ZSWIM5: variants seen among roughly 807,000 people sequenced by gnomAD.
ZSWIM5 encodes zinc finger SWIM domain-containing protein 5.
Under a neutral mutation model 119.6 loss-of-function variants are expected in ZSWIM5, and 55 were observed. The observed-to-expected ratio is 0.46, with a 90% CI of 0.37 to 0.58. The LOEUF (loss-of-function observed/expected upper bound fraction) is 0.58, where lower values mean the gene tolerates loss of function less well. ZSWIM5 is among the 20% of genes least tolerant of loss of function. ZSWIM5 has a pLI of 0.00. For missense variants in ZSWIM5, 1,193 were observed against 1,512.8 expected, an observed-to-expected ratio of 0.79 and a Z score of 3.51; for synonymous variants, 537 against 606.9, an observed-to-expected ratio of 0.88 and a Z score of 1.69.
intron 1 of ZSWIM5, among the ~76,000 whole-genome samples, chr1:45,192,867 T>C (rs544415823): frequency 2.0e-5 from 3 of 152,322 alleles, no homozygotes; most frequent in African/African-American, 7.2e-5. Flanking sequence ...AAGTAGTATT[T>C]CATTGTGGTT....
At chr1:45,025,717 G>T (rs1009360635) in intron 11 of ZSWIM5, among the ~76,000 whole-genome samples, 5 of 152,044 alleles carry the variant, frequency 3.3e-5, no homozygotes, top group African/African-American at 1.2e-4. Flanking sequence ...TAAAAAAATT[G>T]ATTCTTTGGG....
At chr1:45,120,630 G>C (rs1014638869) in intron 1 of ZSWIM5, among the ~76,000 whole-genome samples, 2 of 151,686 alleles carry the variant, frequency 1.3e-5, no homozygotes, top group East Asian at 3.9e-4. Context: ...ACCATGCCTG[G>C]CTAGTTTTTC....
intron 1 of ZSWIM5, among the ~76,000 whole-genome samples, chr1:45,174,703 G>A (rs1645968914): frequency 2.6e-5 from 4 of 152,008 alleles, no homozygotes; most frequent in Admixed American, 1.3e-4. Context: ...TCGCGCCACT[G>A]CACTACAGCC....
intron 11 of ZSWIM5, among the ~76,000 whole-genome samples, chr1:45,025,503 A>G (rs1037233159): frequency 6.6e-6 from 1 of 152,116 alleles, no homozygotes; most frequent in Non-Finnish European, 1.5e-5. Context: ...TCCAAGTTTT[A>G]CAGTATTCCT....
intron 3 of ZSWIM5, 51 bp from the exon 4 acceptor site, chr1:45,058,810 T>G: frequency 6.2e-7 from 1 of 1,603,934 alleles, no homozygotes; most frequent in Non-Finnish European, 8.5e-7. Flanking sequence ...CACAAAAAAG[T>G]AGGAGGAGAA....
intron 1 of ZSWIM5, among the ~76,000 whole-genome samples, chr1:45,203,175 A>T (rs1646168012): frequency 6.6e-6 from 1 of 152,040 alleles, no homozygotes; most frequent in South Asian, 2.1e-4. Flanking sequence ...GCATAGCTGG[A>T]AAAGTTTTAG....
intron 1 of ZSWIM5, among the ~76,000 whole-genome samples, chr1:45,091,171 T>C (rs900571764): frequency 6.6e-6 from 1 of 152,176 alleles, no homozygotes; most frequent in Non-Finnish European, 1.5e-5. Context: ...AAGAGACAAC[T>C]TCCCCAATGG....
At chr1:45,047,122 C>T (rs1049643908) in intron 5 of ZSWIM5, among the ~76,000 whole-genome samples, 41 of 151,458 alleles carry the variant, frequency 2.7e-4, no homozygotes, top group African/African-American at 8.5e-4. Context: ...AAAGACACTT[C>T]GAAGGAACGG....
intron 11 of ZSWIM5, among the ~76,000 whole-genome samples, chr1:45,031,078 G>T (rs937530846): frequency 6.6e-6 from 1 of 151,240 alleles, no homozygotes; most frequent in Non-Finnish European, 1.5e-5. Context: ...GATTACAGGC[G>T]TGAGCCACCG....
At chr1:45,182,242 A>C (rs1570191450) in intron 1 of ZSWIM5, among the ~76,000 whole-genome samples, 1 of 152,176 alleles carries the variant, frequency 6.6e-6, no homozygotes, top group South Asian at 2.1e-4. Flanking sequence ...GTCTCTACTA[A>C]AAATACAAAA....
At chr1:45,043,696 C>T (rs1431502974) in intron 5 of ZSWIM5, among the ~76,000 whole-genome samples, 1 of 152,080 alleles carries the variant, frequency 6.6e-6, no homozygotes, top group African/African-American at 2.4e-5. Flanking sequence ...CTAATTTCTC[C>T]TGAGATCCAG....
At chr1:45,079,432 C>T (rs879887794) in intron 2 of ZSWIM5, among the ~76,000 whole-genome samples, 1 of 152,102 alleles carries the variant, frequency 6.6e-6, no homozygotes, top group Non-Finnish European at 1.5e-5. Context: ...CGAGGAGTAC[C>T]GCCAGACTAC....
intron 1 of ZSWIM5, among the ~76,000 whole-genome samples, chr1:45,202,943 A>G (rs4660840): frequency 0.072 from 11,006 of 152,048 alleles, 490 homozygotes; most frequent in Non-Finnish European, 0.1. Flanking sequence ...TACTATATCC[A>G]TGGGCTTCTG....
At chr1:45,030,312 A>G (rs1419880735) in intron 11 of ZSWIM5, among the ~76,000 whole-genome samples, 1 of 151,866 alleles carries the variant, frequency 6.6e-6, no homozygotes, top group East Asian at 1.9e-4. Flanking sequence ...CAGTGGCGCA[A>G]TCTCGGCTCA....
At position 45,155,520 on chromosome 1, in the gene ZSWIM5, C is replaced by T. The variant is rs191908709; in HGVS notation, c.595+50236G>A. Among the ~76,000 whole-genome samples the T allele has an allele frequency of 1.8e-3, 271 of 151,314 alleles. 4 individuals are homozygous for T. The highest frequency in any genetic ancestry group is 6.8e-3 in the Middle Eastern group (2 of 294). ...AACTACCATTTCAGCAATCCCACTGCTGGGTATCTACCCAGAGGTAAAGAA... is the reference window on the plus strand; with the variant it reads ...AACTACCATTTCAGCAATCCCACTGTTGGGTATCTACCCAGAGGTAAAGAA... On this transcript the variant is annotated intron_variant, in intron 1 of 13. Transcript: ENST00000359600.
intron 1 of ZSWIM5, among the ~76,000 whole-genome samples, chr1:45,148,712 G>A (rs190815660): frequency 6.6e-6 from 1 of 152,244 alleles, no homozygotes; most frequent in East Asian, 1.9e-4. Context: ...GTAACTAACT[G>A]CATATTCTAG....
intron 1 of ZSWIM5, among the ~76,000 whole-genome samples, chr1:45,118,211 A>C (rs560171402): frequency 1.3e-5 from 2 of 152,328 alleles, no homozygotes; most frequent in East Asian, 3.9e-4. Flanking sequence ...AGTACAACTA[A>C]CTCCACACGC....
At position 45,038,953 on chromosome 1, in the gene ZSWIM5, C is replaced by A. The variant is rs1645002247; in HGVS notation, c.1877G>T (p.Gly626Val). 2.5e-6 allele frequency: 4 copies of A among 1,613,770 alleles called. No homozygotes were observed. The highest frequency in any genetic ancestry group is 1.7e-4 in the Middle Eastern group (1 of 5,832). Residue 626 changes from glycine (G) to valine (V), a missense_variant, in exon 8 of 14, where the codon GGC becomes GTC. Physicochemically the swap from Gly to Val is moderately radical, Grantham distance 109 (BLOSUM62 -3). Around this residue, in one of 2 missense-constraint regions of ZSWIM5, gnomAD observed 961 missense variants for 1,290.0 expected, o/e 0.74. Transcript: ENST00000359600. Reference sequence around the variant, plus strand: ...CCCTGTACCTGACATCTCCAGATAGCCATCATCATTCAGGCGGCAGGCCTC... The same window carrying A: ...CCCTGTACCTGACATCTCCAGATAGACATCATCATTCAGGCGGCAGGCCTC... ...LTEACRLNDD[G>V]YLEMSDMNES...
intron 11 of ZSWIM5, among the ~76,000 whole-genome samples, chr1:45,022,922 GCC>G (rs1459707116): frequency 1.3e-5 from 2 of 152,148 alleles, no homozygotes; most frequent in African/African-American, 2.4e-5. Context: ...AGTGGCTTGT[GCC>G]CAGCAAATTG....
Sources: gnomAD v4.1 joint callset for allele counts (sites outside exome capture counted in the v4.1 genomes callset) on GRCh38, gnomAD v4.1.1 for gene constraint, gnomAD v4.1.1 regional missense constraint, MANE v1.5 for transcripts, NCBI Gene and HGNC (gene_info 2026-07-23, HGNC 2026-07-21) for gene names.